The following NDC80 variants were observed in gnomAD, a reference collection of about 807,000 sequenced individuals.
NDC80 encodes the protein kinetochore protein NDC80 homolog.
A neutral mutation model predicts 89.3 loss-of-function variants in NDC80; 69 were observed. That is an observed-to-expected ratio of 0.77 (90% confidence interval 0.64 to 0.94). The LOEUF (loss-of-function observed/expected upper bound fraction) is 0.94. NDC80 is among the 40% of genes least tolerant of loss of function. NDC80 has a pLI of 0.00. For missense variants in NDC80, 593 were observed against 739.6 expected (o/e 0.80, Z 2.30); for synonymous variants, 243 against 255.6 (o/e 0.95, Z 0.47).
chr18:2,605,089 A>G (rs544678208), intron 13 of NDC80, among the ~76,000 whole-genome samples: 3 of 152,316 alleles, frequency 2.0e-5, no homozygotes, highest in African/African-American at 7.2e-5. Context: ...AAAGAAATCA[A>G]GAATGCCCAG....
intron 10 of NDC80, chr18:2,593,861 CT>C: frequency 3.4e-6 from 1 of 294,750 alleles, no homozygotes; most frequent in East Asian, 1.3e-4. Flanking sequence ...TGACCACCAC[CT>C]TTTTATGACT....
At chr18:2,596,608 G>A (rs1273852899) in intron 11 of NDC80, among the ~76,000 whole-genome samples, 1 of 149,568 alleles carries the variant, frequency 6.7e-6, no homozygotes, top group African/African-American at 2.4e-5. Context: ...CATTGTGGAA[G>A]TCAGTGTGGC....
chr18:2,583,697 CA>C lies in NDC80; in HGVS notation c.580-1399del, dbSNP rs377184384. On this transcript the variant is annotated intron_variant, in intron 6 of 16. Transcript: ENST00000261597. ...TGGGCGACAGAGGGAGACTCCGTCT[CA>C]AAAAAAAAAAAAAAAATCTGTCTGC... Among the ~76,000 whole-genome samples, 539 of 116,516 alleles carry C rather than the reference CA, an allele frequency of 4.6e-3. 3 individuals are homozygous for C. The highest frequency in any genetic ancestry group is 9.7e-3 in the African/African-American group (310 of 31,992). 76.4% of individuals were successfully genotyped at this position (116,516 alleles called of 152,430 possible). A position where few individuals can be genotyped will look rare whatever the true frequency, so the allele number is the denominator to read the frequency against.
At chr18:2,593,368 C>T (rs529262008) in intron 10 of NDC80, among the ~76,000 whole-genome samples, 2 of 152,208 alleles carry the variant, frequency 1.3e-5, no homozygotes, top group African/African-American at 4.8e-5. Context: ...TGCAGGACTG[C>T]GTTAAGATCC....
intron 15 of NDC80, among the ~76,000 whole-genome samples, chr18:2,610,156 T>A (rs2072735184): frequency 6.6e-6 from 1 of 152,226 alleles, no homozygotes; most frequent in Non-Finnish European, 1.5e-5. Context: ...GTGTATATAA[T>A]GCTCTTGAGC....
intron 13 of NDC80, among the ~76,000 whole-genome samples, chr18:2,605,413 A>G (rs976559405): frequency 6.6e-6 from 1 of 151,890 alleles, no homozygotes; most frequent in African/African-American, 2.4e-5. Flanking sequence ...CTGACATGGA[A>G]AGTAGAAGCT....
Position 2,578,858 on chromosome 18 carries a change from T to C in NDC80, c.477-69T>C, listed in dbSNP as rs189070311. ...GTGGAATTTTTTAAATGTAACTTCTTGATTAACCATTATCTTTACTAAATT... is the reference window on the plus strand; with the variant it reads ...GTGGAATTTTTTAAATGTAACTTCTCGATTAACCATTATCTTTACTAAATT... On this transcript the variant is annotated intron_variant, in intron 5 of 16. Transcript: ENST00000261597. The C allele has an allele frequency of 2.5e-3, 2,340 of 942,168 alleles. 2 individuals carry two copies. Among genetic ancestry groups the C allele is most frequent in the Non-Finnish European group, 2.9e-3 (1,951 of 681,408 alleles). The allele number at this position is 942,168 out of a possible 1,614,324, so 58.4% of individuals were successfully genotyped here. A position where few individuals can be genotyped will look rare whatever the true frequency, so the allele number is the denominator to read the frequency against.
intron 14 of NDC80, among the ~76,000 whole-genome samples, chr18:2,607,663 G>C (rs1016109193): frequency 6.6e-6 from 1 of 151,552 alleles, no homozygotes; most frequent in African/African-American, 2.4e-5. Context: ...ATTTTTTAAA[G>C]GAAAAAGTAT....
intron 16 of NDC80, among the ~76,000 whole-genome samples, chr18:2,614,115 A>G (rs1598248252): frequency 6.6e-6 from 1 of 152,316 alleles, no homozygotes; most frequent in African/African-American, 2.4e-5. Context: ...TACTGCTAGC[A>G]ACTATGTAAA....
At chr18:2,605,270 ATGTATGTGTGTG>A (rs1568010159) in intron 13 of NDC80, among the ~76,000 whole-genome samples, 145 of 98,208 alleles carry the variant, frequency 1.5e-3, no homozygotes, top group African/African-American at 5.3e-3. Flanking sequence ...GGCGGGCTAT[ATGTATGTGTGTG>A]TGTGTGTGTG....
chr18:2,608,604 TTTTA>T, intron 14 of NDC80, 92 bp from the exon 15 acceptor site: 4 of 1,321,010 alleles, frequency 3.0e-6, no homozygotes, highest in Non-Finnish European at 4.1e-6. Context: ...TGCAACCTGA[TTTTA>T]TTTAAGTGCT....
chr18:2,572,420 T>G (rs533885818), intron 1 of NDC80, among the ~76,000 whole-genome samples: 1 of 152,188 alleles, frequency 6.6e-6, no homozygotes, highest in South Asian at 2.1e-4. Flanking sequence ...CCGGATGATT[T>G]ATCCTTGTTG....
chr18:2,584,133 T>C (rs186934131), intron 6 of NDC80, among the ~76,000 whole-genome samples: 19 of 151,668 alleles, frequency 1.3e-4, no homozygotes, highest in African/African-American at 3.9e-4. Flanking sequence ...ACTGAAAATA[T>C]AAAAATTAGC....
chr18:2,593,821 C>G (rs11873835), intron 10 of NDC80: 7,851 of 289,772 alleles, frequency 0.027, 650 homozygotes, highest in African/African-American at 0.17. Context: ...ATATTTCCGT[C>G]ATTTATAATT....
At chr18:2,606,834 A>T (rs1221758454) in intron 14 of NDC80, among the ~76,000 whole-genome samples, 2 of 152,090 alleles carry the variant, frequency 1.3e-5, no homozygotes, top group Non-Finnish European at 2.9e-5. Flanking sequence ...ATTTATTGTT[A>T]TGTACTGCTA....
At chr18:2,614,448 A>C (rs2072762081) in intron 16 of NDC80, 1 of 5,068 alleles carries the variant, frequency 2.0e-4, no homozygotes, top group African/African-American at 1.4e-3. Flanking sequence ...AAAAAGAAAG[A>C]AAGAAAGAAA....
chr18:2,580,408 T>C (rs1031195215), intron 6 of NDC80, among the ~76,000 whole-genome samples: 6 of 152,030 alleles, frequency 3.9e-5, no homozygotes, highest in African/African-American at 1.4e-4. Flanking sequence ...TAATGCAGTC[T>C]CTCCTTTTGT....
chr18:2,580,730 G>GCTTTTTTTTTTTT, intron 6 of NDC80, among the ~76,000 whole-genome samples: 1 of 48,118 alleles, frequency 2.1e-5, no homozygotes, highest in Non-Finnish European at 5.1e-5. Flanking sequence ...CTCACCATCA[G>GCTTTTTTTTTTTT]ATTTTTTTTT....
At chr18:2,574,229 C>T (rs567619918) in intron 2 of NDC80, among the ~76,000 whole-genome samples, 7 of 152,058 alleles carry the variant, frequency 4.6e-5, no homozygotes, top group Admixed American at 4.6e-4. Context: ...AGGGAGAAGA[C>T]GGAAATAGGG....
Sources: gnomAD v4.1 joint callset for allele counts (sites outside exome capture counted in the v4.1 genomes callset) on GRCh38, gnomAD v4.1.1 for gene constraint, MANE v1.5 for transcripts, NCBI Gene and HGNC (gene_info 2026-07-23, HGNC 2026-07-21) for gene names.